The following IGF2BP2 variants were observed in gnomAD, a reference collection of about 807,000 sequenced individuals.
IGF2BP2 encodes the protein insulin like growth factor 2 mRNA binding protein 2, also known as insulin-like growth factor 2 mRNA-binding protein 2.
IGF2BP2 carries 17 observed loss-of-function variants against 75.8 expected under a neutral mutation model. The ratio of observed to expected loss-of-function variants is 0.22; its 90% CI spans 0.15 to 0.34. IGF2BP2 has a LOEUF of 0.34. IGF2BP2 is among the 10% of genes least tolerant of loss of function. The pLI is 1.00. For synonymous variants in IGF2BP2, 288 were observed against 295.6 expected (o/e 0.97, Z 0.26); for missense variants, 516 against 772.4 (o/e 0.67, Z 3.93).
chr3:185,663,662 G>GC (rs1481460501), intron 10 of IGF2BP2, among the ~76,000 whole-genome samples: 1 of 152,174 alleles, frequency 6.6e-6, no homozygotes, highest in East Asian at 1.9e-4. Context: ...TGAGTGCAAA[G>GC]CGCAAGGACC....
At chr3:185,718,055 C>T (rs1725907941) in intron 2 of IGF2BP2, 1 of 152,234 alleles carries the variant, frequency 6.6e-6, no homozygotes, top group Admixed American at 6.5e-5. Context: ...GAACCGGTGT[C>T]AGGAGTGCAC....
At chr3:185,666,052 A>AGATAGAT (rs1717570190) in intron 10 of IGF2BP2, among the ~76,000 whole-genome samples, 1 of 142,132 alleles carries the variant, frequency 7.0e-6, no homozygotes, top group South Asian at 2.2e-4. Flanking sequence ...ATAGATAGAT[A>AGATAGAT]GATAGAGGAA....
intron 10 of IGF2BP2, among the ~76,000 whole-genome samples, chr3:185,665,254 AAGGAGG>A (rs1178673063): frequency 1.6e-4 from 18 of 114,916 alleles, no homozygotes; most frequent in African/African-American, 3.0e-4. Context: ...GAAGAAGGAG[AAGGAGG>A]AGGAGGAGGA....
chr3:185,716,306 A>AT (rs1725603596), intron 2 of IGF2BP2: 2 of 383,568 alleles, frequency 5.2e-6, no homozygotes, highest in South Asian at 4.5e-5. Flanking sequence ...TTTTAATGAT[A>AT]TTTTCTGCAG....
intron 7 of IGF2BP2, among the ~76,000 whole-genome samples, chr3:185,679,994 T>C (rs1180663861): frequency 3.3e-5 from 5 of 151,692 alleles, no homozygotes; most frequent in African/African-American, 7.3e-5. Context: ...AGAGCAGAGA[T>C]AAACAAATAC....
chr3:185,676,955 G>T (rs979817460), intron 7 of IGF2BP2, among the ~76,000 whole-genome samples: 1 of 137,972 alleles, frequency 7.2e-6, no homozygotes, highest in African/African-American at 2.7e-5. Context: ...TATATATGGA[G>T]ATATATATAC....
intron 2 of IGF2BP2, among the ~76,000 whole-genome samples, chr3:185,751,545 C>T (rs1730967371): frequency 6.7e-6 from 1 of 148,222 alleles, no homozygotes; most frequent in South Asian, 2.1e-4. Flanking sequence ...TATTCTCCTG[C>T]TGAGGCAGGA....
intron 2 of IGF2BP2, among the ~76,000 whole-genome samples, chr3:185,819,032 A>G (rs75478390): frequency 0.016 from 2,430 of 152,300 alleles, 61 homozygotes; most frequent in African/African-American, 0.053. Flanking sequence ...AAGAAAACAT[A>G]TTGCACTTTA....
intron 2 of IGF2BP2, among the ~76,000 whole-genome samples, chr3:185,806,433 C>G (rs1739040645): frequency 6.6e-6 from 1 of 152,120 alleles, no homozygotes; most frequent in Non-Finnish European, 1.5e-5. Flanking sequence ...CTAATATTTT[C>G]TAAGCCTCAG....
intron 10 of IGF2BP2, among the ~76,000 whole-genome samples, chr3:185,660,378 C>T (rs1285924342): frequency 6.6e-6 from 1 of 152,210 alleles, no homozygotes; most frequent in African/African-American, 2.4e-5. Context: ...CCTCCATCCC[C>T]CGAATCTCCT....
rs975550583 is a variant in IGF2BP2 at position 185,647,100 on chromosome 3, G to A, written c.1632C>T (p.Ile544=). Residue 544 remains isoleucine (I), a synonymous_variant, in exon 15 of 16, where the codon ATC becomes ATT. Transcript: ENST00000382199. This position sits in a 1 kb window ranked among gnomAD's most constrained non-coding sequence, Gnocchi z 4.9. ...ELQNLTSAEV[I]VPRDQTPDEN... ...CATCTGGCGTTTGGTCACGAGGCAC[G>A]ATGACTTCTGCACTGGTTAAGTTCT... The A allele has an allele frequency of 2.2e-5, 36 of 1,613,998 alleles. No homozygotes were observed. Among genetic ancestry groups the A allele is most frequent in the African/African-American group, 2.7e-5 (2 of 74,910 alleles).
chr3:185,679,182 T>C (rs545699025), intron 7 of IGF2BP2, among the ~76,000 whole-genome samples: 7 of 152,320 alleles, frequency 4.6e-5, no homozygotes, highest in Admixed American at 1.3e-4. Context: ...AGCTTTTTTG[T>C]CCCTTCTTTC....
chr3:185,783,780 C>T (rs1735514997), intron 2 of IGF2BP2, among the ~76,000 whole-genome samples: 1 of 152,190 alleles, frequency 6.6e-6, no homozygotes. Flanking sequence ...AAGGATATCA[C>T]ATTTTTGTGG....
chr3:185,688,928 G>A (rs1577975903), intron 6 of IGF2BP2, among the ~76,000 whole-genome samples: 1 of 152,150 alleles, frequency 6.6e-6, no homozygotes, highest in Non-Finnish European at 1.5e-5. Context: ...CTTGCTTGAC[G>A]TGGCAGTGAC....
chr3:185,697,648 T>G (rs1377391361), intron 3 of IGF2BP2, among the ~76,000 whole-genome samples: 1 of 152,216 alleles, frequency 6.6e-6, no homozygotes, highest in Admixed American at 6.5e-5. Flanking sequence ...AAAATTCTGC[T>G]AAAACCAACA....
chr3:185,678,332 G>A (rs758137284), intron 7 of IGF2BP2, among the ~76,000 whole-genome samples: 1 of 152,142 alleles, frequency 6.6e-6, no homozygotes, highest in Non-Finnish European at 1.5e-5. Context: ...TGCCAACCAA[G>A]GACACCATGT....
Position 185,759,881 on chromosome 3 carries a change from A to C in IGF2BP2, c.240-61534T>G, listed in dbSNP as rs568360902. ...TATGAAGATTTTGAACTTACACAAA[A>C]GTAGACAGATGTGATGAACCCGGCT... On this transcript the variant is annotated intron_variant, in intron 2 of 15. Coordinates refer to ENST00000382199, the MANE Select transcript of IGF2BP2 (RefSeq NM_006548.6). Among the ~76,000 whole-genome samples the C allele has an allele frequency of 1.2e-4, 19 of 152,348 alleles. No homozygotes were observed. The East Asian group carries it at 3.7e-3, about 29-fold the overall frequency.
chr3:185,691,691 C>A (rs1435551383), intron 5 of IGF2BP2, among the ~76,000 whole-genome samples: 5 of 152,174 alleles, frequency 3.3e-5, no homozygotes, highest in Non-Finnish European at 7.3e-5. Flanking sequence ...AAGTAATCCT[C>A]ACCCTCCCAA....
chr3:185,823,941 C>T (rs1741696299), intron 1 of IGF2BP2, among the ~76,000 whole-genome samples: 2 of 152,178 alleles, frequency 1.3e-5, no homozygotes, highest in Admixed American at 6.5e-5. Flanking sequence ...GCCTCTTTCC[C>T]GGTTCTCAAC....
Sources: allele counts gnomAD v4.1 joint callset (sites outside exome capture counted in the v4.1 genomes callset), GRCh38; gene constraint gnomAD v4.1.1; non-coding constraint Gnocchi (gnomAD v3.1); transcripts MANE v1.5; gene names NCBI Gene and HGNC (gene_info 2026-07-23, HGNC 2026-07-21).